C1orf52: variants seen among roughly 807,000 people sequenced by gnomAD.
C1orf52 encodes the protein UPF0690 protein C1orf52.
Under a neutral mutation model 17.2 loss-of-function variants are expected in C1orf52, and 5 were observed. The ratio of observed to expected loss-of-function variants is 0.29; its 90% CI spans 0.15 to 0.61. The LOEUF is 0.61. C1orf52 is among the 20% of genes least tolerant of loss of function. C1orf52 has a pLI of 0.85. For missense variants in C1orf52, 245 were observed against 234.1 expected (o/e 1.05, Z -0.30); for synonymous variants, 110 against 88.0 (o/e 1.25, Z -1.40).
rs199900511 is a variant in C1orf52, at chr1:85,258,717, T to A, written c.282A>T (p.Pro94=). The change falls in exon 2 of 3, where the codon CCA becomes CCT. Residue 94 remains proline, a synonymous_variant. Transcript: ENST00000471115. ...RHVVKAPEEP[P]KEFKIWKSNY... ...TTGACTTCCATATTTTGAATTCCTTTGGAGGCTGTTAAGCAAGCACATTAA... is the reference window on the plus strand; with the variant it reads ...TTGACTTCCATATTTTGAATTCCTTAGGAGGCTGTTAAGCAAGCACATTAA... 34 of 1,605,880 alleles carry A rather than the reference T, an allele frequency of 2.1e-5. No homozygotes were observed. The East Asian group carries it at 7.6e-4, about 36-fold the overall frequency.
chr1:85,259,173 T>C, intron 1 of C1orf52, 185 bp downstream of exon 1: 1 of 1,106,908 alleles, frequency 9.0e-7, no homozygotes, highest in Non-Finnish European at 1.2e-6. Flanking sequence ...GCGGGTCCGG[T>C]CTAACACCCA....
intron 2 of C1orf52, among the ~76,000 whole-genome samples, chr1:85,256,814 A>AAGAAG (rs1553178013): frequency 6.5e-5 from 7 of 108,180 alleles, no homozygotes; most frequent in African/African-American, 2.2e-4. Context: ...AAAAAAAAAA[A>AAGAAG]AAAAGAAAAG....
chr1:85,257,083 C>G (rs551748214), intron 2 of C1orf52, among the ~76,000 whole-genome samples: 1 of 152,272 alleles, frequency 6.6e-6, no homozygotes, highest in South Asian at 2.1e-4. Context: ...GTGGGAAGAT[C>G]AGAAATCTGT....
At chr1:85,258,124 A>C (rs1173465001) in intron 2 of C1orf52, among the ~76,000 whole-genome samples, 2 of 106,032 alleles carry the variant, frequency 1.9e-5, no homozygotes, top group Non-Finnish European at 4.0e-5. Context: ...CTGTCTCAAA[A>C]AAAAAGAAAA....
In C1orf52 at chr1:85,251,596, A is replaced by G. The variant is rs1366735235; in HGVS notation, c.*1033T>C. ...CATGTAGAAGTAGGGTTACCAGATA[A>G]AAGATGTTCAGTTAAATTTGAATTT... is the stretch of plus-strand genomic sequence containing the variant. On this transcript the variant is annotated 3_prime_UTR_variant, in exon 3 of 3. Coordinates refer to ENST00000471115, the MANE Select transcript of C1orf52 (RefSeq NM_198077.4). The G allele has an allele frequency of 6.6e-6, 1 of 152,240 alleles. No homozygotes were observed. Among genetic ancestry groups the G allele is most frequent in the Non-Finnish European group, 1.5e-5 (1 of 68,046 alleles). The allele number at this position is 152,240 out of a possible 1,614,324, so 9.4% of individuals were successfully genotyped here.
In C1orf52 at chr1:85,251,145, T is replaced by G. The variant is rs1466718277; in HGVS notation, c.*1484A>C. Reference sequence around the variant, plus strand: ...CCTAGGTAAACAAATCTCGCGTAATTGTTCAAATTTTATCTTCCACAATGG... The same window carrying G: ...CCTAGGTAAACAAATCTCGCGTAATGGTTCAAATTTTATCTTCCACAATGG... On this transcript the variant is annotated 3_prime_UTR_variant, in exon 3 of 3. Transcript: ENST00000471115. 3.9e-5 allele frequency: 6 copies of G among 152,212 alleles called. No homozygotes were observed. Among genetic ancestry groups the G allele is most frequent in the Non-Finnish European group, 8.8e-5 (6 of 68,026 alleles). 9.4% of individuals were successfully genotyped at this position (152,212 alleles called of 1,614,324 possible). A position where few individuals can be genotyped will look rare whatever the true frequency, so the allele number is the denominator to read the frequency against.
intron 2 of C1orf52, among the ~76,000 whole-genome samples, chr1:85,256,616 G>C (rs1185429647): frequency 6.6e-6 from 1 of 151,878 alleles, no homozygotes; most frequent in Admixed American, 6.6e-5. Context: ...TGGCTAACAC[G>C]GTGAAACCCC....
At chr1:85,253,279 G>A (rs1456959286) in intron 2 of C1orf52, among the ~76,000 whole-genome samples, 8 of 152,154 alleles carry the variant, frequency 5.3e-5, no homozygotes, top group African/African-American at 1.9e-4. Flanking sequence ...GGAGCATATT[G>A]TTTTCTTTTT....
chr1:85,254,376 A>T (rs1039153871), intron 2 of C1orf52, among the ~76,000 whole-genome samples: 1 of 151,264 alleles, frequency 6.6e-6, no homozygotes, highest in Non-Finnish European at 1.5e-5. Flanking sequence ...TATACCACCA[A>T]AACAAGCCAA....
At chr1:85,254,810 T>C (rs547006368) in intron 2 of C1orf52, among the ~76,000 whole-genome samples, 1 of 152,376 alleles carries the variant, frequency 6.6e-6, no homozygotes, top group Admixed American at 6.5e-5. Context: ...TTAGCATACA[T>C]TTAGATGATA....
intron 2 of C1orf52, among the ~76,000 whole-genome samples, chr1:85,256,023 T>C (rs1222425533): frequency 2.0e-5 from 3 of 152,214 alleles, no homozygotes; most frequent in Admixed American, 1.3e-4. Context: ...TCCTGGTTTT[T>C]TCCATATAAC....
chr1:85,256,798 CAAA>C lies in C1orf52; in HGVS notation c.475+1723_475+1725del, dbSNP rs1159075154. Among the ~76,000 whole-genome samples, 7 of 93,742 alleles carry C rather than the reference CAAA, an allele frequency of 7.5e-5. No homozygotes were observed. The South Asian group carries it at 2.3e-3, about 30-fold the overall frequency. The allele number at this position is 93,742 out of a possible 152,430, so 61.5% of individuals were successfully genotyped here. On this transcript the variant is annotated intron_variant, in intron 2 of 2. Coordinates refer to ENST00000471115, the MANE Select transcript of C1orf52 (RefSeq NM_198077.4). Reference sequence around the variant, plus strand: ...TGGGCGACTGACCGAGACTCCGCCTCAAAAAAAAAAAAAAAAAAAAGAAAAGAA... The same window carrying C: ...TGGGCGACTGACCGAGACTCCGCCTCAAAAAAAAAAAAAAAAAGAAAAGAA...
intron 1 of C1orf52, 135 bp downstream of exon 1, chr1:85,259,223 G>T: frequency 8.1e-7 from 1 of 1,231,280 alleles, no homozygotes; most frequent in Non-Finnish European, 1.1e-6. Flanking sequence ...AGGGCTTGAG[G>T]TGGGAGGGGG....
chr1:85,253,710 ATGT>A (rs1048071457), intron 2 of C1orf52, among the ~76,000 whole-genome samples: 17 of 152,316 alleles, frequency 1.1e-4, no homozygotes, highest in African/African-American at 3.6e-4. Flanking sequence ...ATTCATAAAA[ATGT>A]TGTCAAACCT....
At chr1:85,252,850 CT>C (rs1659833351) in intron 2 of C1orf52, 148 bp from the exon 3 acceptor site, 1 of 616,156 alleles carries the variant, frequency 1.6e-6, no homozygotes, top group Non-Finnish European at 2.8e-6. Context: ...CAAGAATTAA[CT>C]TTTAGAGCTC....
At chr1:85,259,151 A>G (rs1570321701) in intron 1 of C1orf52, 1 of 1,125,432 alleles carries the variant, frequency 8.9e-7, no homozygotes, top group East Asian at 2.9e-5. Flanking sequence ...TCTCCTCACA[A>G]GGGGCGGGGC....
In C1orf52 at chr1:85,251,685, A is replaced by G. The variant is rs1158100771; in HGVS notation, c.*944T>C. The G allele has an allele frequency of 2.0e-5, 3 of 152,224 alleles. No individual in the cohort carries two copies. The highest frequency in any genetic ancestry group is 6.5e-5 in the Admixed American group (1 of 15,282). 9.4% of individuals were successfully genotyped at this position (152,224 alleles called of 1,614,324 possible). On this transcript the variant is annotated 3_prime_UTR_variant, in exon 3 of 3. Transcript: ENST00000471115. ...ATATACTAAAACATTATTTATCTGA[A>G]ATTCAAATTTAACTGAATGTCCTGT...
At chr1:85,254,627 G>A (rs1270880484) in intron 2 of C1orf52, among the ~76,000 whole-genome samples, 1 of 152,118 alleles carries the variant, frequency 6.6e-6, no homozygotes, top group East Asian at 1.9e-4. Context: ...TCCTGACCTC[G>A]TGATCCACCC....
At chr1:85,255,333 C>T (rs55808228) in intron 2 of C1orf52, among the ~76,000 whole-genome samples, 4 of 152,022 alleles carry the variant, frequency 2.6e-5, no homozygotes, top group South Asian at 2.1e-4. Context: ...GGGCGGATCA[C>T]GAGGTCAGGA....
Sources: gnomAD v4.1 joint callset for allele counts (sites outside exome capture counted in the v4.1 genomes callset) on GRCh38, gnomAD v4.1.1 for gene constraint, MANE v1.5 for transcripts, NCBI Gene and HGNC (gene_info 2026-07-23, HGNC 2026-07-21) for gene names.